SRPK2: variants seen among roughly 807,000 people sequenced by gnomAD.
The protein encoded by SRPK2 is SRSF protein kinase 2, also known as SFRS protein kinase 2.
Under a neutral mutation model 90.8 loss-of-function variants are expected in SRPK2, and 21 were observed. The ratio of observed to expected loss-of-function variants is 0.23; its 90% CI spans 0.16 to 0.33. The LOEUF (loss-of-function observed/expected upper bound fraction) is 0.33, where lower values mean the gene tolerates loss of function less well. Among genes scored for constraint, SRPK2 ranks in the 10% least tolerant of loss-of-function variants. The probability of loss-of-function intolerance (pLI) is 1.00; values close to 1 mark genes in which losing one functional copy is unlikely to be tolerated. For missense variants in SRPK2, 620 were observed against 869.0 expected, an observed-to-expected ratio of 0.71 and a Z score of 3.60; for synonymous variants, 288 against 311.1, an observed-to-expected ratio of 0.93 and a Z score of 0.78.
chr7:105,262,889 G>C lies in SRPK2; in HGVS notation c.72-59104C>G, dbSNP rs544053547. On this transcript the variant is annotated intron_variant, in intron 2 of 15. Transcript: ENST00000393651. ...TACAATACCAAATTGAAAAGAACCTGGAGCATACACAGTTGGTGGAAGTAT... is the reference window on the plus strand; with the variant it reads ...TACAATACCAAATTGAAAAGAACCTCGAGCATACACAGTTGGTGGAAGTAT... Among the ~76,000 whole-genome samples the C allele has an allele frequency of 4.6e-5, 7 of 152,218 alleles. No individual in the cohort carries two copies. In the East Asian group the frequency reaches 1.3e-3, roughly 29 times the overall value.
chr7:105,267,336 T>C (rs1805227010), intron 2 of SRPK2, among the ~76,000 whole-genome samples: 1 of 152,212 alleles, frequency 6.6e-6, no homozygotes, highest in African/African-American at 2.4e-5. Flanking sequence ...TAATTATTAC[T>C]GTCATCTCAT....
chr7:105,206,369 T>C (rs1186288189), intron 2 of SRPK2: 1 of 184,260 alleles, frequency 5.4e-6, no homozygotes, highest in African/African-American at 2.4e-5. Context: ...GCACCTTCAT[T>C]ATAATGTCTC....
intron 2 of SRPK2, among the ~76,000 whole-genome samples, chr7:105,280,619 C>T (rs1403297593): frequency 7.6e-6 from 1 of 131,754 alleles, no homozygotes; most frequent in Non-Finnish European, 1.5e-5. Flanking sequence ...TTGTGGGAGG[C>T]TATTTACATG....
At chr7:105,161,779 C>A (rs1026575949) in intron 6 of SRPK2, among the ~76,000 whole-genome samples, 2 of 152,190 alleles carry the variant, frequency 1.3e-5, no homozygotes, top group Admixed American at 6.5e-5. Context: ...CCTATTTAAT[C>A]TTTTCCTTGA....
intron 3 of SRPK2, among the ~76,000 whole-genome samples, chr7:105,190,516 A>G (rs898090968): frequency 6.6e-6 from 1 of 152,026 alleles, no homozygotes; most frequent in African/African-American, 2.4e-5. Flanking sequence ...TAAACCACTT[A>G]CCATTATATG....
intron 2 of SRPK2, among the ~76,000 whole-genome samples, chr7:105,299,338 C>T (rs961457022): frequency 2.0e-5 from 3 of 152,214 alleles, no homozygotes; most frequent in Non-Finnish European, 2.9e-5. Context: ...GAGCCTGATA[C>T]TTCCAAGTAA....
chr7:105,346,857 T>TAAAAA (rs34287828), intron 2 of SRPK2, among the ~76,000 whole-genome samples: 60 of 137,264 alleles, frequency 4.4e-4, no homozygotes, highest in Non-Finnish European at 8.2e-4. Flanking sequence ...TCTCATTTGT[T>TAAAAA]AAAAAAAAAA....
At chr7:105,253,236 G>A (rs1234108464) in intron 2 of SRPK2, among the ~76,000 whole-genome samples, 1 of 152,154 alleles carries the variant, frequency 6.6e-6, no homozygotes, top group African/African-American at 2.4e-5. Context: ...CATTGTAAAT[G>A]CTGCCATAAT....
intron 8 of SRPK2, among the ~76,000 whole-genome samples, chr7:105,146,105 T>C (rs896861530): frequency 6.6e-5 from 10 of 152,174 alleles, no homozygotes; most frequent in East Asian, 3.8e-4. Context: ...CAGGTTGACA[T>C]AGCTATGCTA....
intron 2 of SRPK2, among the ~76,000 whole-genome samples, chr7:105,350,933 T>C (rs1215262733): frequency 1.3e-5 from 2 of 152,156 alleles, no homozygotes; most frequent in East Asian, 3.9e-4. Flanking sequence ...ACATTAAAGT[T>C]TACAGAGCCT....
chr7:105,162,962 C>T (rs1807909496), intron 6 of SRPK2, among the ~76,000 whole-genome samples: 1 of 152,220 alleles, frequency 6.6e-6, no homozygotes. Flanking sequence ...GAGTGCTCTG[C>T]CGCTATCTGC....
chr7:105,190,134 C>T (rs1485469471), intron 3 of SRPK2, among the ~76,000 whole-genome samples: 6 of 152,208 alleles, frequency 3.9e-5, no homozygotes, highest in East Asian at 1.9e-4. Flanking sequence ...ATGGGGACTC[C>T]GGTCTGGATC....
chr7:105,161,301 T>C (rs906875094), intron 6 of SRPK2, among the ~76,000 whole-genome samples: 2 of 152,258 alleles, frequency 1.3e-5, no homozygotes, highest in Non-Finnish European at 2.9e-5. Context: ...ATAGTTGTTA[T>C]ACTCTATTTC....
chr7:105,136,783 C>T (rs1000922534), intron 11 of SRPK2, among the ~76,000 whole-genome samples: 2 of 152,110 alleles, frequency 1.3e-5, no homozygotes, highest in African/African-American at 2.4e-5. Context: ...CTATGAGGCC[C>T]AAGGAAGTAG....
intron 2 of SRPK2, among the ~76,000 whole-genome samples, chr7:105,214,564 G>A (rs1797225430): frequency 6.6e-6 from 1 of 152,030 alleles, no homozygotes; most frequent in Admixed American, 6.6e-5. Flanking sequence ...TAAAATTATG[G>A]CACAACCATA....
At chr7:105,220,533 A>C (rs1797972699) in intron 2 of SRPK2, among the ~76,000 whole-genome samples, 2 of 152,220 alleles carry the variant, frequency 1.3e-5, no homozygotes, top group South Asian at 4.1e-4. Context: ...TCAAAAAAGA[A>C]AAAAAGAGTT....
At chr7:105,394,705 T>C (rs1044573802) in intron 1 of SRPK2, among the ~76,000 whole-genome samples, 1 of 152,184 alleles carries the variant, frequency 6.6e-6, no homozygotes, top group South Asian at 2.1e-4. Flanking sequence ...CAAATACCTA[T>C]TATGTAGCAA....
At chr7:105,326,341 A>G (rs1056933879) in intron 2 of SRPK2, among the ~76,000 whole-genome samples, 6 of 152,236 alleles carry the variant, frequency 3.9e-5, no homozygotes, top group African/African-American at 1.4e-4. Context: ...TTTGAAAGAA[A>G]GCTGCGGAAA....
intron 15 of SRPK2, among the ~76,000 whole-genome samples, chr7:105,118,364 T>TC (rs1404931025): frequency 1.3e-5 from 2 of 152,208 alleles, no homozygotes; most frequent in Non-Finnish European, 2.9e-5. Context: ...CCTGGGATCT[T>TC]CCGTAAAATT....
Sources: allele counts gnomAD v4.1 joint callset (sites outside exome capture counted in the v4.1 genomes callset), GRCh38; gene constraint gnomAD v4.1.1; transcripts MANE v1.5; gene names NCBI Gene and HGNC (gene_info 2026-07-23, HGNC 2026-07-21).